Variants in GAK observed in about 807,000 individuals in gnomAD.
The protein encoded by GAK is cyclin G associated kinase, also known as cyclin-G-associated kinase.
A neutral mutation model predicts 143.9 loss-of-function variants in GAK; 79 were observed. The observed-to-expected ratio is 0.55, with a 90% CI of 0.46 to 0.66. The LOEUF is 0.66. Ranked by LOEUF, GAK falls within the 30% of genes least tolerant of loss-of-function variation. The pLI is 0.00. For synonymous variants in GAK, 881 were observed against 765.5 expected (o/e 1.15, Z -2.49); for missense variants, 1,693 against 1,779.7 (o/e 0.95, Z 0.88).
rs1396320960 is a variant in GAK, at chr4:904,709, G to A, written c.453C>T (p.Ile151=). 5 of 1,614,072 alleles carry A rather than the reference G, an allele frequency of 3.1e-6. No individual in the cohort carries two copies. The highest frequency in any genetic ancestry group is 4.2e-6 in the Non-Finnish European group (5 of 1,179,960). ...GPLSCDTVLK[I]FYQTCRAVQH... Reference sequence around the variant, plus strand: ...GCACGGCGCGGCACGTCTGGTAGAAGATCTTCAGAACCGTGTCGCACGAAA... The same window carrying A: ...GCACGGCGCGGCACGTCTGGTAGAAAATCTTCAGAACCGTGTCGCACGAAA... The change falls in exon 5 of 28, where the codon ATC becomes ATT. Residue 151 remains isoleucine (I), a synonymous_variant. Coordinates refer to ENST00000314167, the MANE Select transcript of GAK (RefSeq NM_005255.4).
At chr4:865,770 C>T (rs1321481646) in intron 22 of GAK, among the ~76,000 whole-genome samples, 5 of 152,248 alleles carry the variant, frequency 3.3e-5, no homozygotes, top group South Asian at 2.1e-4. Flanking sequence ...CCCCAGAGTA[C>T]GCCGTGGACC....
intron 1 of GAK, among the ~76,000 whole-genome samples, chr4:919,534 C>T (rs1323811951): frequency 1.3e-5 from 2 of 152,226 alleles, no homozygotes; most frequent in Non-Finnish European, 2.9e-5. Context: ...ACGCAGCAGG[C>T]CCATTCCTGC....
chr4:882,226 T>C (rs1174158543), intron 14 of GAK, among the ~76,000 whole-genome samples, 186 bp from the exon 15 acceptor site: 1 of 152,192 alleles, frequency 6.6e-6, no homozygotes, highest in Non-Finnish European at 1.5e-5. Context: ...CAACAGAGAC[T>C]GAAGGTTCCC....
Position 898,231 on chromosome 4 carries a change from T to TG in GAK, c.526-74dup, listed in dbSNP as rs1712279727. ...TGGGACTTCAGGGAAAACGAACGGGTGTGAGACACAGCCAGGGCCCTTCGC... is the reference window on the plus strand; with the variant it reads ...TGGGACTTCAGGGAAAACGAACGGGTGGTGAGACACAGCCAGGGCCCTTCGC... On this transcript the variant is annotated intron_variant, in intron 5 of 27. Transcript: ENST00000314167. 9 of 1,570,770 alleles carry TG rather than the reference T, an allele frequency of 5.7e-6. No individual in the cohort carries two copies. In the Admixed American group the frequency reaches 8.5e-5, roughly 15 times the overall value.
At chr4:859,218 G>T (rs1338696709) in intron 24 of GAK, 1 of 1,186,282 alleles carries the variant, frequency 8.4e-7, no homozygotes, top group Non-Finnish European at 1.1e-6. Context: ...TGGAGAGGGT[G>T]GGCTCGGTTC....
rs967001182 is a variant in GAK at position 913,445 on chromosome 4, G to A, written c.207+162C>T. On this transcript the variant is annotated intron_variant, in intron 2 of 27. Transcript: ENST00000314167. ...AGCTGGAGACCAAGGCTCCTGCAGTGCCCAAGGCTGCTGAGATTCAGCAGA... is the reference window on the plus strand; with the variant it reads ...AGCTGGAGACCAAGGCTCCTGCAGTACCCAAGGCTGCTGAGATTCAGCAGA... 2.6e-5 allele frequency among the ~76,000 whole-genome samples: 4 copies of A among 152,184 alleles called. No individual in the cohort carries two copies. In the East Asian group the frequency reaches 7.7e-4, roughly 29 times the overall value.
At chr4:876,473 G>C (rs1425379596) in intron 18 of GAK, 57 bp downstream of exon 18, 1 of 1,483,410 alleles carries the variant, frequency 6.7e-7, no homozygotes, top group Non-Finnish European at 9.4e-7. Context: ...CCACATGCAG[G>C]TGCTGCGGCA....
chr4:859,820 C>T (rs1487705068), intron 23 of GAK, 98 bp from the exon 24 acceptor site: 3 of 849,916 alleles, frequency 3.5e-6, no homozygotes, highest in Non-Finnish European at 5.6e-6. Flanking sequence ...ATGACAGCCT[C>T]ACTCCTGCCT....
intron 4 of GAK, 74 bp from the exon 5 acceptor site, chr4:904,853 C>G: frequency 1.4e-6 from 2 of 1,473,904 alleles, no homozygotes; most frequent in Non-Finnish European, 1.9e-6. Flanking sequence ...CTGTTTCACG[C>G]GGACTTCCCA....
At position 919,370 on chromosome 4, in the gene GAK, T is replaced by A. The variant is rs368656398; in HGVS notation, c.146-5702A>T. On this transcript the variant is annotated intron_variant, in intron 1 of 27. Coordinates refer to ENST00000314167, the MANE Select transcript of GAK (RefSeq NM_005255.4). ...AGGCTCCAAGGGCCTCAGCGCCCCA[T>A]GACCTTAGAAAGACAGAAGGCTCCA... Among the ~76,000 whole-genome samples the A allele has an allele frequency of 1.5e-4, 23 of 152,242 alleles. No homozygotes were observed. In the East Asian group the frequency reaches 4.5e-3, roughly 30 times the overall value.
Position 882,060 on chromosome 4 carries a change from C to T in GAK, c.1528-20G>A. On this transcript the variant is annotated intron_variant, in intron 14 of 27. Coordinates refer to ENST00000314167, the MANE Select transcript of GAK (RefSeq NM_005255.4). ...CCCGTCCTAGGACAGACAGACACGT[C>T]TCGCGTGCGCCTCGCACTCATGCAG... The T allele has an allele frequency of 1.3e-6, 2 of 1,584,336 alleles. No individual in the cohort carries two copies. Among genetic ancestry groups the T allele is most frequent in the Non-Finnish European group, 1.7e-6 (2 of 1,164,554 alleles).
At chr4:859,308 G>C (rs895958360) in intron 24 of GAK, 222 of 1,330,502 alleles carry the variant, frequency 1.7e-4, no homozygotes, top group Non-Finnish European at 2.1e-4. Context: ...TCCATGCAGA[G>C]ACCCCGCCTC....
chr4:851,970 T>A lies in GAK; in HGVS notation c.3288A>T (p.Ser1096=), dbSNP rs1380302768. The A allele has an allele frequency of 6.2e-7, 1 of 1,613,238 alleles. No homozygotes were observed. ...LGDLSSGLQG[S]PAGFPPGGFI... is the part of the protein sequence containing the mutation. ...AGCCCCCAGGAGGGAATCCAGCTGG[T>A]GAGCCTGTGGAGATGGAGATCGGAA... Residue 1096 remains serine, a synonymous_variant, in exon 25 of 28, where the codon TCA becomes TCT. Transcript: ENST00000314167.
Position 905,674 on chromosome 4 carries a change from C to A in GAK, c.383-895G>T, listed in dbSNP as rs114063273. On this transcript the variant is annotated intron_variant, in intron 4 of 27. Coordinates refer to ENST00000314167, the MANE Select transcript of GAK (RefSeq NM_005255.4). ...TGCCACGGACTCTGCCACGTTGGGC[C>A]ACATTACAGACGCCACACCACACTT... Among the ~76,000 whole-genome samples the A allele has an allele frequency of 5.9e-3, 885 of 151,276 alleles. 6 individuals are homozygous for A. Among genetic ancestry groups the A allele is most frequent in the African/African-American group, 0.02 (830 of 41,180 alleles).
chr4:853,541 G>A (rs532257971), intron 24 of GAK: 4 of 152,420 alleles, frequency 2.6e-5, no homozygotes, highest in East Asian at 1.9e-4. Flanking sequence ...GGCAATGCGC[G>A]AGACACGCGG....
At chr4:911,291 GC>G (rs1305872971) in intron 4 of GAK, among the ~76,000 whole-genome samples, 1 of 151,756 alleles carries the variant, frequency 6.6e-6, no homozygotes, top group Non-Finnish European at 1.5e-5. Context: ...AGGCCACCAC[GC>G]TCCACCCCAC....
rs780805510 is a variant in GAK, at chr4:882,685, C to A, written c.1527+12G>T. 6.2e-7 allele frequency: 1 copy of A among 1,610,420 alleles called. No individual in the cohort carries two copies. Among genetic ancestry groups the A allele is most frequent in the South Asian group, 1.1e-5 (1 of 91,028 alleles). On this transcript the variant is annotated intron_variant, in intron 14 of 27. Transcript: ENST00000314167. Reference sequence around the variant, plus strand: ...ACAGAAGACGGCGCCAGCCCACGGCCCTCGAGCTCACCATGCAGTGCACGA... The same window carrying A: ...ACAGAAGACGGCGCCAGCCCACGGCACTCGAGCTCACCATGCAGTGCACGA...
intron 18 of GAK, among the ~76,000 whole-genome samples, chr4:876,254 C>T (rs763394195): frequency 1.6e-4 from 24 of 149,680 alleles, no homozygotes; most frequent in East Asian, 8.0e-4. Context: ...AAGATGCAGC[C>T]GCCACCCGCT....
At chr4:886,706 C>T (rs1325513398) in intron 11 of GAK, 4 of 152,250 alleles carry the variant, frequency 2.6e-5, no homozygotes, top group Admixed American at 6.5e-5. Context: ...ATGGCTAGCC[C>T]TGCTGACGCT....
Sources: gnomAD v4.1 joint callset for allele counts (sites outside exome capture counted in the v4.1 genomes callset) on GRCh38, gnomAD v4.1.1 for gene constraint, MANE v1.5 for transcripts, NCBI Gene and HGNC (gene_info 2026-07-23, HGNC 2026-07-21) for gene names.